Variants in NXPH1 observed in about 807,000 individuals in gnomAD.
NXPH1 encodes neurexophilin-1.
NXPH1 carries 5 observed loss-of-function variants against 23.7 expected under a neutral mutation model. That is an observed-to-expected ratio of 0.21 (90% CI 0.11 to 0.44). The LOEUF is 0.44. Among genes scored for constraint, NXPH1 ranks in the 20% least tolerant of loss-of-function variants. NXPH1 has a pLI of 0.99. For missense variants in NXPH1, 324 were observed against 321.6 expected (o/e 1.01, Z -0.06); for synonymous variants, 144 against 122.2 (o/e 1.18, Z -1.18).
intron 2 of NXPH1, among the ~76,000 whole-genome samples, chr7:8,460,877 C>T (rs1816682840): frequency 6.6e-6 from 1 of 152,204 alleles, no homozygotes; most frequent in Non-Finnish European, 1.5e-5. Flanking sequence ...TCTCCTAAGA[C>T]TTTGTGAAAA....
At chr7:8,679,483 G>A (rs1036238784) in intron 2 of NXPH1, among the ~76,000 whole-genome samples, 9 of 152,114 alleles carry the variant, frequency 5.9e-5, no homozygotes, top group South Asian at 4.1e-4. Flanking sequence ...AATTGATAAC[G>A]TTAGAGTAAG....
chr7:8,641,892 C>T (rs899524860), intron 2 of NXPH1, among the ~76,000 whole-genome samples: 2 of 152,154 alleles, frequency 1.3e-5, no homozygotes, highest in Non-Finnish European at 2.9e-5. Flanking sequence ...TTATCCTCTT[C>T]ACTCAATGAA....
intron 2 of NXPH1, among the ~76,000 whole-genome samples, chr7:8,522,223 A>G (rs1175639922): frequency 6.6e-6 from 1 of 152,258 alleles, no homozygotes; most frequent in Non-Finnish European, 1.5e-5. Flanking sequence ...TCCCTGGGCA[A>G]TAGGAGGCCG....
At chr7:8,731,280 G>A (rs1315521197) in intron 2 of NXPH1, among the ~76,000 whole-genome samples, 1 of 151,916 alleles carries the variant, frequency 6.6e-6, no homozygotes, top group Admixed American at 6.6e-5. Flanking sequence ...TTTGCCTTTG[G>A]TTTGAATGTC....
At chr7:8,473,443 A>G (rs974217694) in intron 2 of NXPH1, among the ~76,000 whole-genome samples, 9 of 152,136 alleles carry the variant, frequency 5.9e-5, no homozygotes, top group African/African-American at 2.2e-4. Context: ...GCTAAGCTCT[A>G]GTGTCCTATA....
chr7:8,722,436 C>T (rs1779983806), intron 2 of NXPH1, among the ~76,000 whole-genome samples: 1 of 152,156 alleles, frequency 6.6e-6, no homozygotes, highest in Non-Finnish European at 1.5e-5. Context: ...CAATTCTCTC[C>T]TTCCTCACAG....
At chr7:8,489,991 A>T (rs1036574269) in intron 2 of NXPH1, among the ~76,000 whole-genome samples, 39 of 152,112 alleles carry the variant, frequency 2.6e-4, no homozygotes, top group African/African-American at 8.2e-4. Flanking sequence ...CCAACACTCA[A>T]GTTCTGCGGT....
At chr7:8,517,809 A>G (rs1290642735) in intron 2 of NXPH1, among the ~76,000 whole-genome samples, 1 of 152,136 alleles carries the variant, frequency 6.6e-6, no homozygotes, top group Non-Finnish European at 1.5e-5. Flanking sequence ...AGATAATGTA[A>G]CATAATGCAC....
chr7:8,483,684 G>C (rs765353440), intron 2 of NXPH1, among the ~76,000 whole-genome samples: 14 of 152,184 alleles, frequency 9.2e-5, no homozygotes, highest in Non-Finnish European at 1.8e-4. Context: ...AATCATGTCA[G>C]AGTGGGGTGT....
chr7:8,604,884 A>G (rs1216621844), intron 2 of NXPH1, among the ~76,000 whole-genome samples: 1 of 152,120 alleles, frequency 6.6e-6, no homozygotes, highest in Non-Finnish European at 1.5e-5. Flanking sequence ...CTATTTATTC[A>G]TGTCATAGAG....
intron 2 of NXPH1, among the ~76,000 whole-genome samples, chr7:8,525,870 A>G (rs1817853466): frequency 6.6e-6 from 1 of 152,226 alleles, no homozygotes; most frequent in Non-Finnish European, 1.5e-5. Context: ...TGGAGCCCTC[A>G]TGGAGAACCT....
chr7:8,595,952 G>T (rs2128626288), intron 2 of NXPH1, among the ~76,000 whole-genome samples: 1 of 152,098 alleles, frequency 6.6e-6, no homozygotes. Context: ...AAGTTACTCA[G>T]ATGAATTAAT....
At chr7:8,715,675 G>C (rs893344605) in intron 2 of NXPH1, among the ~76,000 whole-genome samples, 3 of 152,316 alleles carry the variant, frequency 2.0e-5, no homozygotes, top group Admixed American at 1.3e-4. Flanking sequence ...GGAGCCACTA[G>C]GGTTGTGGAG....
At chr7:8,541,398 G>A (rs1818115220) in intron 2 of NXPH1, among the ~76,000 whole-genome samples, 2 of 151,560 alleles carry the variant, frequency 1.3e-5, no homozygotes, top group Non-Finnish European at 3.0e-5. Context: ...GAAAGGGAGG[G>A]AGGATTGGAA....
intron 2 of NXPH1, among the ~76,000 whole-genome samples, chr7:8,698,595 TG>T (rs1472708960): frequency 6.7e-6 from 1 of 148,290 alleles, no homozygotes; most frequent in African/African-American, 2.4e-5. Flanking sequence ...AGACATCTTA[TG>T]GGGTACTATA....
intron 2 of NXPH1, among the ~76,000 whole-genome samples, chr7:8,501,230 G>A (rs775956220): frequency 2.6e-5 from 4 of 152,056 alleles, no homozygotes; most frequent in Non-Finnish European, 5.9e-5. Flanking sequence ...TCTCACCAAT[G>A]AATTGAAATT....
At chr7:8,499,468 G>A (rs536016750) in intron 2 of NXPH1, among the ~76,000 whole-genome samples, 23 of 152,100 alleles carry the variant, frequency 1.5e-4, no homozygotes, top group Non-Finnish European at 2.9e-4. Flanking sequence ...ACAAAGGCTA[G>A]TCTGGATTTG....
intron 2 of NXPH1, among the ~76,000 whole-genome samples, chr7:8,506,203 C>A (rs865928392): frequency 1.2e-4 from 19 of 152,018 alleles, no homozygotes; most frequent in Admixed American, 7.2e-4. Context: ...AGTTGTGCAA[C>A]TGTTGTTGCA....
chr7:8,462,459 C>T (rs1288675486), intron 2 of NXPH1, among the ~76,000 whole-genome samples: 3 of 152,196 alleles, frequency 2.0e-5, no homozygotes, highest in Non-Finnish European at 2.9e-5. Context: ...ATAGGTTCTG[C>T]TATTGTCATC....
Sources: gnomAD v4.1 joint callset for allele counts (sites outside exome capture counted in the v4.1 genomes callset) on GRCh38, gnomAD v4.1.1 for gene constraint, MANE v1.5 for transcripts, NCBI Gene and HGNC (gene_info 2026-07-23, HGNC 2026-07-21) for gene names.